Variants in RCC1L observed in about 807,000 individuals in gnomAD.
RCC1L encodes the protein RCC1-like G exchanging factor-like protein.
RCC1L carries 46 observed loss-of-function variants against 58.6 expected under a neutral mutation model. The ratio of observed to expected loss-of-function variants is 0.79; its 90% CI spans 0.62 to 1.00. The LOEUF is 1.00. Among genes scored for constraint, RCC1L ranks in the 50% least tolerant of loss-of-function variants. RCC1L has a pLI of 0.00. For synonymous variants in RCC1L, 281 were observed against 262.9 expected, an observed-to-expected ratio of 1.07 and a Z score of -0.67; for missense variants, 636 against 623.6, an observed-to-expected ratio of 1.02 and a Z score of -0.21.
rs924573141 is a variant in RCC1L, at chr7:75,065,622, G to A, written c.584-974C>T. Among the ~76,000 whole-genome samples, 7 of 152,096 alleles carry A rather than the reference G, an allele frequency of 4.6e-5. No homozygotes were observed. In the East Asian group the frequency reaches 9.6e-4, roughly 21 times the overall value. On this transcript the variant is annotated intron_variant, in intron 3 of 10. Transcript: ENST00000610322. ...ATTGACCTTTCCCTGGAAAAACCCC[G>A]TTTCTAAAAAGAGGCCATGTTACCC...
rs944789849 is a variant in RCC1L at position 75,042,504 on chromosome 7, G to A, written c.*528C>T. 1.2e-4 allele frequency: 114 copies of A among 990,530 alleles called. 1 individual carries two copies. In the African/African-American group the frequency reaches 1.7e-3, roughly 15 times the overall value. The allele number at this position is 990,530 out of a possible 1,614,324, so 61.4% of individuals were successfully genotyped here. On this transcript the variant is annotated 3_prime_UTR_variant, in exon 11 of 11. Coordinates refer to ENST00000610322, the MANE Select transcript of RCC1L (RefSeq NM_030798.5). ...ACGGTGCTTCTAGTGTCCCCCCAGC[G>A]AGCTTGCGGTGTGGCAGGCGGCCAG...
chr7:75,066,650 A>G lies in RCC1L; in HGVS notation c.583+14T>C. On this transcript the variant is annotated intron_variant, in intron 3 of 10. Coordinates refer to ENST00000610322, the MANE Select transcript of RCC1L (RefSeq NM_030798.5). ...CCCTGCACTCTTCCATCACCCTTCA[A>G]TAGGTCAACTCACCTCCTTCCCTGT... The G allele has an allele frequency of 1.2e-6, 2 of 1,609,662 alleles. No homozygotes were observed. The highest frequency in any genetic ancestry group is 2.2e-5 in the East Asian group (1 of 44,646).
At chr7:75,057,998 A>G in intron 7 of RCC1L, 1 of 315,672 alleles carries the variant, frequency 3.2e-6, no homozygotes, top group Non-Finnish European at 6.2e-6. Flanking sequence ...TCTCTATTAA[A>G]AATACAAAAG....
chr7:75,066,810 C>T lies in RCC1L; in HGVS notation c.455-18G>A, dbSNP rs1463985088. 3 of 1,595,462 alleles carry T rather than the reference C, an allele frequency of 1.9e-6. No individual in the cohort carries two copies. Among genetic ancestry groups the T allele is most frequent in the Non-Finnish European group, 2.6e-6 (3 of 1,171,876 alleles). On this transcript the variant is annotated intron_variant, in intron 2 of 10. Coordinates refer to ENST00000610322, the MANE Select transcript of RCC1L (RefSeq NM_030798.5). ...GCCCCTCGCTGGAAAAGACACAGGA[C>T]ACTGATTGAGGCATGCATTTCTACC...
chr7:75,055,119 C>T (rs1584495650), intron 9 of RCC1L, among the ~76,000 whole-genome samples: 1 of 152,346 alleles, frequency 6.6e-6, no homozygotes, highest in South Asian at 2.1e-4. Context: ...AAAAAGAAAA[C>T]AATTACTTGC....
At chr7:75,032,673 A>G (rs1805334902) in intron 10 of RCC1L, among the ~76,000 whole-genome samples, 1 of 152,136 alleles carries the variant, frequency 6.6e-6, no homozygotes, top group African/African-American at 2.4e-5. Context: ...TGAAAATGGA[A>G]GCTGAATATT....
chr7:75,047,804 G>A (rs1424645132), intron 10 of RCC1L, among the ~76,000 whole-genome samples: 6 of 150,790 alleles, frequency 4.0e-5, no homozygotes, highest in African/African-American at 9.7e-5. Context: ...GCACCCCCAC[G>A]CCTGGCTAAT....
chr7:75,070,276 A>C lies in RCC1L; in HGVS notation c.454+364T>G, dbSNP rs1584506460. Among the ~76,000 whole-genome samples, 3 of 152,132 alleles carry C rather than the reference A, an allele frequency of 2.0e-5. No homozygotes were observed. The South Asian group carries it at 6.2e-4, about 32-fold the overall frequency. The stretch of plus-strand genomic sequence containing the variant: ...TTTGTTTATGTAACCATGTTCTTGA[A>C]CACCAAAGGGAGGGCTGGGCGCTGT... On this transcript the variant is annotated intron_variant, in intron 2 of 10. Coordinates refer to ENST00000610322, the MANE Select transcript of RCC1L (RefSeq NM_030798.5).
chr7:75,064,401 C>A (rs184237491), intron 4 of RCC1L, among the ~76,000 whole-genome samples, 181 bp downstream of exon 4: 2,029 of 152,100 alleles, frequency 0.013, 26 homozygotes, highest in Non-Finnish European at 0.019. Flanking sequence ...TCTTCTCCCA[C>A]CAAGCTAACA....
chr7:75,036,230 C>T (rs1001115652), intron 10 of RCC1L, among the ~76,000 whole-genome samples: 2 of 151,154 alleles, frequency 1.3e-5, no homozygotes, highest in East Asian at 4.0e-4. Context: ...AATTCTCCTG[C>T]CTCAGCCTCC....
In RCC1L at chr7:75,052,762, G is replaced by A; in HGVS notation, c.1266C>T (p.Ile422=). ...KGELFVWGKN[I]RGCLGIGRLE... ...GGCGACCGATTCCCAGGCACCCTCGGATGTTCTTGCCCCATACAAACAGCT... is the reference window on the plus strand; with the variant it reads ...GGCGACCGATTCCCAGGCACCCTCGAATGTTCTTGCCCCATACAAACAGCT... The change falls in exon 10 of 11, where the codon ATC becomes ATT. Residue 422 remains isoleucine (I), a synonymous_variant. Coordinates refer to ENST00000610322, the MANE Select transcript of RCC1L (RefSeq NM_030798.5). 1.2e-6 allele frequency: 2 copies of A among 1,613,398 alleles called. No homozygotes were observed. The highest frequency in any genetic ancestry group is 2.2e-5 in the East Asian group (1 of 44,818).
chr7:75,051,139 A>T (rs1805889955), intron 10 of RCC1L, among the ~76,000 whole-genome samples: 1 of 149,870 alleles, frequency 6.7e-6, no homozygotes, highest in African/African-American at 2.4e-5. Context: ...CTCCATTTCA[A>T]CTTGCTTTCT....
At chr7:75,027,819 T>C (rs1314933974) in exon 11 of RCC1L, 14 of 623,080 alleles carry the variant, frequency 2.2e-5, no homozygotes, top group Middle Eastern at 8.6e-4. Flanking sequence ...AGTCTTGGTT[T>C]GGTCTCCACA....
chr7:75,035,521 C>A (rs1464820099), intron 10 of RCC1L, among the ~76,000 whole-genome samples: 1 of 152,188 alleles, frequency 6.6e-6, no homozygotes, highest in African/African-American at 2.4e-5. Flanking sequence ...AGCAACTCCA[C>A]TCCTAGGTAT....
At chr7:75,032,933 G>T (rs1198510949) in intron 10 of RCC1L, among the ~76,000 whole-genome samples, 1 of 151,928 alleles carries the variant, frequency 6.6e-6, no homozygotes, top group Non-Finnish European at 1.5e-5. Context: ...TTAGTTGGGC[G>T]TGGTGGCGGG....
intron 5 of RCC1L, among the ~76,000 whole-genome samples, chr7:75,062,368 G>A (rs377760480): frequency 6.6e-6 from 1 of 152,018 alleles, no homozygotes; most frequent in African/African-American, 2.4e-5. Flanking sequence ...ATAATTAGCC[G>A]AGGATGGTGA....
In RCC1L at chr7:75,052,656, G is replaced by A. The variant is rs898588803; in HGVS notation, c.1317+55C>T. 5.4e-5 allele frequency: 83 copies of A among 1,530,732 alleles called. No individual in the cohort carries two copies. The African/African-American group carries it at 9.0e-4, about 17-fold the overall frequency. 94.8% of individuals were successfully genotyped at this position (1,530,732 alleles called of 1,614,324 possible). On this transcript the variant is annotated intron_variant, in intron 10 of 10. Transcript: ENST00000610322. ...CTGCACGCGAGGTGTCTGCAGTGAC[G>A]TCAGGTGACTCTACTCTTAGCATCC...
intron 9 of RCC1L, 185 bp downstream of exon 9, chr7:75,055,716 A>G (rs1308454141): frequency 5.9e-6 from 4 of 681,724 alleles, no homozygotes; most frequent in African/African-American, 3.9e-5. Flanking sequence ...CCAGGGGGGG[A>G]AAACAAGACA....
downstream of RCC1L, among the ~76,000 whole-genome samples, chr7:75,041,214 ATAACTAAC>A (rs71098027): frequency 5.6e-4 from 84 of 149,874 alleles, no homozygotes; most frequent in Middle Eastern, 6.8e-3. Context: ...ACTCCATCTC[ATAACTAAC>A]TAACTAACTA....
Sources: allele counts gnomAD v4.1 joint callset (sites outside exome capture counted in the v4.1 genomes callset), GRCh38; gene constraint gnomAD v4.1.1; transcripts MANE v1.5; gene names NCBI Gene and HGNC (gene_info 2026-07-23, HGNC 2026-07-21).